Variants in LRIF1 observed in about 807,000 individuals in gnomAD.
LRIF1 encodes ligand-dependent nuclear receptor-interacting factor 1.
Under a neutral mutation model 52.7 loss-of-function variants are expected in LRIF1, and 32 were observed. That is an observed-to-expected ratio of 0.61 (90% CI 0.46 to 0.82). LRIF1 has a LOEUF of 0.82. LRIF1 is among the 40% of genes least tolerant of loss of function. LRIF1 has a pLI of 0.00. For synonymous variants in LRIF1, 323 were observed against 317.4 expected (o/e 1.02, Z -0.19); for missense variants, 887 against 892.0 (o/e 0.99, Z 0.07).
At chr1:110,916,711 C>A in the LRIF1 span, among the ~76,000 whole-genome samples, 1 of 152,052 alleles carries the variant, frequency 6.6e-6, no homozygotes, top group Non-Finnish European at 1.5e-5. Context: ...CATAAAGATA[C>A]TGAAATTGAA....
At chr1:110,933,370 C>T in the LRIF1 span, among the ~76,000 whole-genome samples, 1 of 152,084 alleles carries the variant, frequency 6.6e-6, no homozygotes, top group Non-Finnish European at 1.5e-5. Context: ...TTCATAAGAA[C>T]CAAAAATCAG....
At chr1:110,908,690 A>T in the LRIF1 span, among the ~76,000 whole-genome samples, 618 of 148,660 alleles carry the variant, frequency 4.2e-3, 5 homozygotes, top group Non-Finnish European at 5.9e-3. Context: ...AGATAAAAAT[A>T]AAAAAAAATA....
intron 1 of LRIF1, among the ~76,000 whole-genome samples, chr1:110,960,307 T>C (rs1276461619): frequency 8.5e-5 from 13 of 152,110 alleles, no homozygotes; most frequent in Admixed American, 8.5e-4. Context: ...TTAGACTCTA[T>C]AGTATGTGTG....
chr1:110,958,566 G>A (rs1319975864), intron 1 of LRIF1, among the ~76,000 whole-genome samples: 1 of 151,868 alleles, frequency 6.6e-6, no homozygotes, highest in East Asian at 1.9e-4. Context: ...TTTATATGAT[G>A]TCTATATTTC....
In LRIF1 at chr1:110,957,301, C is replaced by CAA. The variant is rs35011841; in HGVS notation, c.69-4488_69-4487dup. ...TGAAACCCCATCTCTACTAAAAATA[C>CAA]AAAAAAAAAAAAAAAAAAAAAATTA... On this transcript the variant is annotated intron_variant, in intron 1 of 3. Transcript: ENST00000369763. 3.5e-3 allele frequency among the ~76,000 whole-genome samples: 289 copies of CAA among 81,846 alleles called. 1 individual carries two copies. The highest frequency in any genetic ancestry group is 8.5e-3 in the Middle Eastern group (1 of 118). The allele number at this position is 81,846 out of a possible 152,430, so 53.7% of individuals were successfully genotyped here. A position where few individuals can be genotyped will look rare whatever the true frequency, so the allele number is the denominator to read the frequency against.
At chr1:110,926,331 A>G in the LRIF1 span, among the ~76,000 whole-genome samples, 3 of 152,016 alleles carry the variant, frequency 2.0e-5, no homozygotes, top group African/African-American at 7.2e-5. Context: ...CCTAATGTCT[A>G]TCAACAATAA....
At chr1:110,887,124 C>T in the LRIF1 span, among the ~76,000 whole-genome samples, 42 of 151,660 alleles carry the variant, frequency 2.8e-4, no homozygotes, top group African/African-American at 9.4e-4. Flanking sequence ...AGTGCAGTGG[C>T]GCGATCTCGG....
chr1:110,894,305 G>C, the LRIF1 span: 10 of 1,610,680 alleles, frequency 6.2e-6, no homozygotes, highest in Non-Finnish European at 7.6e-6. Context: ...AGTGCTGTGA[G>C]AATGTATCTG....
chr1:110,892,405 G>A, the LRIF1 span: 1 of 1,614,012 alleles, frequency 6.2e-7, no homozygotes, highest in Non-Finnish European at 8.5e-7. Context: ...CAACTTCGGA[G>A]TGCTCTTCCA....
chr1:110,889,190 G>C, the LRIF1 span, among the ~76,000 whole-genome samples: 8 of 152,156 alleles, frequency 5.3e-5, no homozygotes, highest in Admixed American at 3.3e-4. Flanking sequence ...TATTTTGTCA[G>C]TGTGATACTG....
In LRIF1 at chr1:110,950,844, A is replaced by G. The variant is rs188360849; in HGVS notation, c.1596+444T>C. 1.4e-4 allele frequency among the ~76,000 whole-genome samples: 21 copies of G among 152,188 alleles called. No homozygotes were observed. In the East Asian group the frequency reaches 3.9e-3, roughly 28 times the overall value. ...TGGTATACCACCACCACCACCACAAAAAAACCCCACAAAACCCCAAAACCA... is the reference window on the plus strand; with the variant it reads ...TGGTATACCACCACCACCACCACAAGAAAACCCCACAAAACCCCAAAACCA... On this transcript the variant is annotated intron_variant, in intron 2 of 3. Transcript: ENST00000369763.
chr1:110,889,157 T>C, the LRIF1 span, among the ~76,000 whole-genome samples: 5 of 152,322 alleles, frequency 3.3e-5, no homozygotes, highest in South Asian at 2.1e-4. Context: ...TATTTATTCA[T>C]AGATGTGTCT....
At chr1:110,888,507 G>A in the LRIF1 span, among the ~76,000 whole-genome samples, 1 of 152,136 alleles carries the variant, frequency 6.6e-6, no homozygotes, top group East Asian at 1.9e-4. Flanking sequence ...CACATTCAGT[G>A]TTTTGCAGAC....
rs1156766257 is a variant in LRIF1, at chr1:110,951,513, T to A, written c.1371A>T (p.Pro457=). The A allele has an allele frequency of 6.2e-7, 1 of 1,614,146 alleles. No individual in the cohort carries two copies. The highest frequency in any genetic ancestry group is 8.5e-7 in the Non-Finnish European group (1 of 1,180,022). The part of the protein sequence containing the change: ...VEKPSPSTTN[P]HMNQSSNYLK... Reference sequence around the variant, plus strand: ...AGTAGTTACTGGATTGGTTCATATGTGGATTTGTGGTAGAAGGAGATGGTT... The same window carrying A: ...AGTAGTTACTGGATTGGTTCATATGAGGATTTGTGGTAGAAGGAGATGGTT... Residue 457 remains proline, a synonymous_variant, in exon 2 of 4, where the codon CCA becomes CCT. Coordinates refer to ENST00000369763, the MANE Select transcript of LRIF1 (RefSeq NM_018372.4).
chr1:110,905,016 G>A, the LRIF1 span, among the ~76,000 whole-genome samples: 2 of 152,260 alleles, frequency 1.3e-5, no homozygotes, highest in South Asian at 2.1e-4. Flanking sequence ...GAATCTTTTA[G>A]TAGCAGAACT....
rs1181164762 is a variant in LRIF1, at chr1:110,947,577, T to C, written c.*382A>G. On this transcript the variant is annotated 3_prime_UTR_variant, in exon 4 of 4. Coordinates refer to ENST00000369763, the MANE Select transcript of LRIF1 (RefSeq NM_018372.4). The stretch of plus-strand genomic sequence containing the variant: ...CTAAGTTTGGAGCTGATTTCCTCTC[T>C]TGAATTGTAAAATTTCAGTAATACA... The C allele has an allele frequency of 1.2e-5, 2 of 160,118 alleles. No individual in the cohort carries two copies. Among genetic ancestry groups the C allele is most frequent in the Non-Finnish European group, 2.7e-5 (2 of 73,418 alleles). 9.9% of individuals were successfully genotyped at this position (160,118 alleles called of 1,614,324 possible).
chr1:110,919,613 C>T, the LRIF1 span, among the ~76,000 whole-genome samples: 3 of 152,102 alleles, frequency 2.0e-5, no homozygotes, highest in Non-Finnish European at 4.4e-5. Context: ...AGATTATCTT[C>T]CAAAAAGTGG....
At chr1:110,926,825 C>T in the LRIF1 span, among the ~76,000 whole-genome samples, 6 of 151,936 alleles carry the variant, frequency 3.9e-5, no homozygotes, top group Non-Finnish European at 7.4e-5. Context: ...GATACTGCTG[C>T]GGAAAAAGAA....
the LRIF1 span, among the ~76,000 whole-genome samples, chr1:110,885,805 A>C: frequency 3.9e-5 from 6 of 152,020 alleles, no homozygotes; most frequent in South Asian, 1.0e-3. Flanking sequence ...CGGAGGTTGC[A>C]GTGAGCCGAG....
Sources: gnomAD v4.1 joint callset for allele counts (sites outside exome capture counted in the v4.1 genomes callset) on GRCh38, gnomAD v4.1.1 for gene constraint, MANE v1.5 for transcripts, NCBI Gene and HGNC (gene_info 2026-07-23, HGNC 2026-07-21) for gene names.